The following PSD variants were observed in gnomAD, a reference collection of about 807,000 sequenced individuals.
The protein encoded by PSD is pleckstrin and Sec7 domain containing.
PSD carries 32 observed loss-of-function variants against 91.6 expected under a neutral mutation model. The observed-to-expected ratio is 0.35, with a 90% CI of 0.26 to 0.47. The LOEUF (loss-of-function observed/expected upper bound fraction) is 0.47. PSD is among the 20% of genes least tolerant of loss of function. The pLI is 1.00. For missense variants in PSD, 1,099 were observed against 1,373.9 expected, an observed-to-expected ratio of 0.80 and a Z score of 3.16; for synonymous variants, 532 against 569.3, an observed-to-expected ratio of 0.93 and a Z score of 0.93.
Position 102,409,771 on chromosome 10 carries a change from C to T in PSD, c.2091+1087G>A, listed in dbSNP as rs980301575. ...CGCAGACACTACCCATTCAGATGGA[C>T]ACTTCAAAACTTAGAATCTTTAGCT... is the stretch of plus-strand genomic sequence containing the variant. On this transcript the variant is annotated intron_variant, in intron 10 of 16. Coordinates refer to ENST00000020673, the MANE Select transcript of PSD (RefSeq NM_002779.5). This position sits in a 1 kb window ranked among gnomAD's most constrained non-coding sequence, Gnocchi z 5.7. Among the ~76,000 whole-genome samples, 1 of 152,146 alleles carries T rather than the reference C, an allele frequency of 6.6e-6. No homozygotes were observed. Among genetic ancestry groups the T allele is most frequent in the South Asian group, 2.1e-4 (1 of 4,828 alleles).
At chr10:102,412,754 T>G (rs976023228) in intron 5 of PSD, among the ~76,000 whole-genome samples, 179 bp from the exon 6 acceptor site, 3 of 152,274 alleles carry the variant, frequency 2.0e-5, no homozygotes, top group Admixed American at 6.5e-5. Flanking sequence ...ACTCCATCAT[T>G]ACCACCTCTC....
intron 7 of PSD, 43 bp from the exon 8 acceptor site, chr10:102,411,862 TC>T: frequency 6.9e-7 from 1 of 1,443,006 alleles, no homozygotes; most frequent in Non-Finnish European, 9.6e-7. Flanking sequence ...ACCAGGAGTT[TC>T]CAGCCTCTGT....
In PSD at chr10:102,405,781, A is replaced by G; in HGVS notation, c.2136-245T>C. 7.5e-6 allele frequency: 4 copies of G among 531,232 alleles called. No individual in the cohort carries two copies. The South Asian group carries it at 1.0e-4, about 14-fold the overall frequency. The allele number at this position is 531,232 out of a possible 1,614,324, so 32.9% of individuals were successfully genotyped here. The stretch of plus-strand genomic sequence containing the variant: ...CCACCACTGTCCCTTCCTCCCAGCA[A>G]GTAGGGCCAGCACTATCCTCTCCAT... On this transcript the variant is annotated intron_variant, in intron 11 of 16. Transcript: ENST00000020673. The surrounding 1 kb of genome is among the most constrained non-coding windows in gnomAD (Gnocchi z 5.4).
chr10:102,405,578 G>T lies in PSD; in HGVS notation c.2136-42C>A. 6.4e-7 allele frequency: 1 copy of T among 1,560,146 alleles called. No individual in the cohort carries two copies. Among genetic ancestry groups the T allele is most frequent in the Non-Finnish European group, 8.7e-7 (1 of 1,145,498 alleles). ...CTCAGAGGGGGCTGGCCATGGAGCC[G>T]CGGCCCCCGCTTCAGTTCTGGCCTC... On this transcript the variant is annotated intron_variant, in intron 11 of 16. Transcript: ENST00000020673. The surrounding 1 kb of genome is among the most constrained non-coding windows in gnomAD (Gnocchi z 5.4).
At chr10:102,413,587 C>T (rs1379662729) in intron 5 of PSD, among the ~76,000 whole-genome samples, 182 bp downstream of exon 5, 2 of 152,036 alleles carry the variant, frequency 1.3e-5, no homozygotes, top group Non-Finnish European at 2.9e-5. Flanking sequence ...CTGTGAGGGA[C>T]TCTCCCTCAC....
rs536304519 is a variant in PSD, at chr10:102,415,572, A to G, written c.758-343T>C. Among the ~76,000 whole-genome samples the G allele has an allele frequency of 3.9e-5, 6 of 152,252 alleles. No homozygotes were observed. The South Asian group carries it at 1.2e-3, about 32-fold the overall frequency. On this transcript the variant is annotated intron_variant, in intron 3 of 16. Coordinates refer to ENST00000020673, the MANE Select transcript of PSD (RefSeq NM_002779.5). ...ACTGCAGCCTTGACTGCCTGGACTC[A>G]AGGGATCCTCCCACCCAACCTCCCC...
At position 102,416,645 on chromosome 10, in the gene PSD, C is replaced by T. The variant is rs1280067224; in HGVS notation, c.394G>A (p.Val132Ile). ...GLSRSWDLGG[V>I]SPPRPTPALG... ...GCTGGGGTGGGCCTGGGAGGAGAAA[C>T]CCCACCCAGATCCCAGCTCCGACTC... Residue 132 changes from valine to isoleucine, a missense_variant, in exon 2 of 17, where the codon GTT becomes ATT. This residue lies in a region of PSD where 631 missense variants were observed against 728.8 expected (regional missense o/e 0.87). Coordinates refer to ENST00000020673, the MANE Select transcript of PSD (RefSeq NM_002779.5). This position sits in a 1 kb window ranked among gnomAD's most constrained non-coding sequence, Gnocchi z 6.0. 3 of 1,608,644 alleles carry T rather than the reference C, an allele frequency of 1.9e-6. No homozygotes were observed. The highest frequency in any genetic ancestry group is 1.1e-5 in the South Asian group (1 of 90,450).
intron 3 of PSD, among the ~76,000 whole-genome samples, chr10:102,415,705 T>C (rs1282387401): frequency 6.6e-6 from 1 of 152,198 alleles, no homozygotes; most frequent in East Asian, 1.9e-4. Flanking sequence ...TGAGCAGTCC[T>C]CCTGCCTTGG....
chr10:102,419,713 T>G (rs2061534649), upstream of PSD: 1 of 162,376 alleles, frequency 6.2e-6, no homozygotes, highest in African/African-American at 2.4e-5. The surrounding 1 kb of genome is among the most constrained non-coding windows in gnomAD (Gnocchi z 4.8). Flanking sequence ...GCCAGATTTG[T>G]CGCACTGCGC....
chr10:102,414,777 C>T lies in PSD; in HGVS notation c.1124+86G>A. Reference sequence around the variant, plus strand: ...CCCCACACCCATCTCTATCCCAGGCCCTTTGAGCCCGGCTCTGCCTGTGGG... The same window carrying T: ...CCCCACACCCATCTCTATCCCAGGCTCTTTGAGCCCGGCTCTGCCTGTGGG... On this transcript the variant is annotated intron_variant, in intron 4 of 16. Transcript: ENST00000020673. This position sits in a 1 kb window ranked among gnomAD's most constrained non-coding sequence, Gnocchi z 5.6. 6.9e-7 allele frequency: 1 copy of T among 1,458,866 alleles called. No homozygotes were observed. The allele number at this position is 1,458,866 out of a possible 1,614,324, so 90.4% of individuals were successfully genotyped here.
chr10:102,414,953 A>AGGCT lies in PSD; in HGVS notation c.1030_1033dup (p.Leu345GlnfsTer7). The AGGCT allele has an allele frequency of 6.4e-7, 1 of 1,560,344 alleles. No homozygotes were observed. The highest frequency in any genetic ancestry group is 8.7e-7 in the Non-Finnish European group (1 of 1,147,010). ...GTCCTCATCCTCATTGCCACTGCCG[A>AGGCT]GGCTGGGATGAGGGCCAGGGAGTGG... On this transcript the variant is annotated frameshift_variant, in exon 4 of 17. Transcript: ENST00000020673. LOFTEE classifies it high-confidence loss of function. This position sits in a 1 kb window ranked among gnomAD's most constrained non-coding sequence, Gnocchi z 5.6.
intron 10 of PSD, among the ~76,000 whole-genome samples, chr10:102,408,210 G>A (rs1043779239): frequency 6.6e-6 from 1 of 152,212 alleles, no homozygotes; most frequent in African/African-American, 2.4e-5. Flanking sequence ...GATGCTGCCT[G>A]CATGTGAGCT....
Position 102,404,159 on chromosome 10 carries a change from T to C in PSD, c.2701-174A>G, listed in dbSNP as rs1016547088. On this transcript the variant is annotated intron_variant, in intron 15 of 16. Transcript: ENST00000020673. This position sits in a 1 kb window ranked among gnomAD's most constrained non-coding sequence, Gnocchi z 5.7. Reference sequence around the variant, plus strand: ...GTCAGGAGATCGAGACCATCCTGGCTAACACGGTGAAACCCCGTCTCTACT... The same window carrying C: ...GTCAGGAGATCGAGACCATCCTGGCCAACACGGTGAAACCCCGTCTCTACT... 3.9e-5 allele frequency among the ~76,000 whole-genome samples: 6 copies of C among 152,108 alleles called. No homozygotes were observed. Among genetic ancestry groups the C allele is most frequent in the Admixed American group, 6.5e-5 (1 of 15,272 alleles).
Position 102,414,791 on chromosome 10 carries a change from T to A in PSD, c.1124+72A>T, listed in dbSNP as rs2061458633. 6.8e-7 allele frequency: 1 copy of A among 1,467,752 alleles called. No homozygotes were observed. The highest frequency in any genetic ancestry group is 1.4e-5 in the African/African-American group (1 of 71,076). 90.9% of individuals were successfully genotyped at this position (1,467,752 alleles called of 1,614,324 possible). A position where few individuals can be genotyped will look rare whatever the true frequency, so the allele number is the denominator to read the frequency against. ...CTATCCCAGGCCCTTTGAGCCCGGC[T>A]CTGCCTGTGGGCCAGTGCGAAGGAG... On this transcript the variant is annotated intron_variant, in intron 4 of 16. Coordinates refer to ENST00000020673, the MANE Select transcript of PSD (RefSeq NM_002779.5). This position sits in a 1 kb window ranked among gnomAD's most constrained non-coding sequence, Gnocchi z 5.6.
chr10:102,417,404 C>T (rs759500737), intron 1 of PSD, among the ~76,000 whole-genome samples: 3 of 152,064 alleles, frequency 2.0e-5, no homozygotes, highest in African/African-American at 4.8e-5. Context: ...TGAGTGAGCC[C>T]GGAGTTCTTA....
In PSD at chr10:102,414,158, A is replaced by C. The variant is rs541453821; in HGVS notation, c.1164T>G (p.Phe388Leu). 6.2e-7 allele frequency: 1 copy of C among 1,613,770 alleles called. No homozygotes were observed. The highest frequency in any genetic ancestry group is 1.7e-5 in the Admixed American group (1 of 59,996). ...CAGCCGAGGGGCTCGTCCCAGGTAG[A>C]AAGGGCACAGGTGACTTGAGAGGCA... Reference protein sequence around the residue: ...SRMPLKSPVPFLPGTSPSADG... With the variant: ...SRMPLKSPVPLLPGTSPSADG... Residue 388 changes from phenylalanine (F) to leucine (L), a missense_variant, in exon 5 of 17, where the codon TTT (phenylalanine) becomes TTG (leucine). Around this residue, in one of 3 missense-constraint regions of PSD, gnomAD observed 631 missense variants for 728.8 expected, o/e 0.87. Transcript: ENST00000020673. This position sits in a 1 kb window ranked among gnomAD's most constrained non-coding sequence, Gnocchi z 5.6.
rs1434270358 is a variant in PSD, at chr10:102,410,785, A to G, written c.2091+73T>C. ...AAGCCCCAGCCCTGCCCTCCCTCCG[A>G]CTCTGGACTCCGTCGCCGACTGGGT... On this transcript the variant is annotated intron_variant, in intron 10 of 16. Coordinates refer to ENST00000020673, the MANE Select transcript of PSD (RefSeq NM_002779.5). This position sits in a 1 kb window ranked among gnomAD's most constrained non-coding sequence, Gnocchi z 6.0. 3.0e-6 allele frequency: 3 copies of G among 996,906 alleles called. No individual in the cohort carries two copies. The highest frequency in any genetic ancestry group is 4.7e-6 in the Non-Finnish European group (3 of 633,694). The allele number at this position is 996,906 out of a possible 1,614,324, so 61.8% of individuals were successfully genotyped here. A position where few individuals can be genotyped will look rare whatever the true frequency, so the allele number is the denominator to read the frequency against.
chr10:102,411,948 T>C (rs1215385133), intron 7 of PSD, 129 bp from the exon 8 acceptor site: 1 of 895,308 alleles, frequency 1.1e-6, no homozygotes, highest in Non-Finnish European at 1.8e-6. Context: ...GATGAGGGTA[T>C]GCACCCTGAC....
In PSD at chr10:102,414,219, C is replaced by T. The variant is rs775746503; in HGVS notation, c.1125-22G>A. On this transcript the variant is annotated intron_variant, in intron 4 of 16. Transcript: ENST00000020673. This position sits in a 1 kb window ranked among gnomAD's most constrained non-coding sequence, Gnocchi z 5.6. Reference sequence around the variant, plus strand: ...TGGCCTGCAGGGGCAGGGAGAATCTCTGATTAGGGGCCCAGATCACAGGGC... The same window carrying T: ...TGGCCTGCAGGGGCAGGGAGAATCTTTGATTAGGGGCCCAGATCACAGGGC... 3.2e-6 allele frequency: 5 copies of T among 1,580,476 alleles called. No individual in the cohort carries two copies. Among genetic ancestry groups the T allele is most frequent in the Non-Finnish European group, 4.3e-6 (5 of 1,161,858 alleles).
Sources: allele counts gnomAD v4.1 joint callset (sites outside exome capture counted in the v4.1 genomes callset), GRCh38; gene constraint gnomAD v4.1.1; regional missense constraint gnomAD v4.1.1; non-coding constraint Gnocchi (gnomAD v3.1); transcripts MANE v1.5; gene names NCBI Gene and HGNC (gene_info 2026-07-23, HGNC 2026-07-21).